Variants in FLRT1 observed in about 807,000 individuals in gnomAD.
The protein encoded by FLRT1 is fibronectin leucine rich transmembrane protein 1.
In FLRT1, 14 loss-of-function variants were observed where a neutral mutation model predicts 30.9. That is an observed-to-expected ratio of 0.45 (90% CI 0.30 to 0.71). The LOEUF is 0.71. Among genes scored for constraint, FLRT1 ranks in the 30% least tolerant of loss-of-function variants. The pLI, the probability that FLRT1 is intolerant of heterozygous loss-of-function variation, is 0.08. For missense variants in FLRT1, 737 were observed against 949.2 expected (o/e 0.78, Z 2.94); for synonymous variants, 368 against 430.4 (o/e 0.85, Z 1.80).
intron 2 of FLRT1, among the ~76,000 whole-genome samples, chr11:64,108,585 A>G (rs1944804688): frequency 6.6e-6 from 1 of 152,238 alleles, no homozygotes; most frequent in Admixed American, 6.5e-5. Flanking sequence ...CTGAAGCCCC[A>G]TCACAGAGCT....
At chr11:64,073,704 G>A (rs189097782) in intron 1 of FLRT1, among the ~76,000 whole-genome samples, 138 of 152,342 alleles carry the variant, frequency 9.1e-4, no homozygotes, top group Non-Finnish European at 1.3e-3. Flanking sequence ...GTGCGTGCGC[G>A]TGGGTTCTCG....
intron 1 of FLRT1, among the ~76,000 whole-genome samples, chr11:64,079,048 G>A (rs960250023): frequency 7.2e-5 from 11 of 151,992 alleles, no homozygotes; most frequent in African/African-American, 1.2e-4. Flanking sequence ...TTGCTGAGCC[G>A]CTGTGCGGAC....
intron 1 of FLRT1, among the ~76,000 whole-genome samples, chr11:64,068,566 G>T (rs931503059): frequency 6.6e-6 from 1 of 152,214 alleles, no homozygotes; most frequent in Non-Finnish European, 1.5e-5. Context: ...ACAGAGCCCC[G>T]CATTCCCATT....
At chr11:64,038,736 A>G (rs1215027594) in intron 1 of FLRT1, among the ~76,000 whole-genome samples, 2 of 152,072 alleles carry the variant, frequency 1.3e-5, no homozygotes, top group Non-Finnish European at 2.9e-5. Context: ...CTTCTGCTCT[A>G]GAGTCTGGAA....
intron 1 of FLRT1, among the ~76,000 whole-genome samples, chr11:64,093,800 G>A (rs1355824024): frequency 8.5e-5 from 13 of 152,230 alleles, no homozygotes; most frequent in African/African-American, 2.7e-4. Flanking sequence ...CCTGGCCAGG[G>A]TGGAAGGAGG....
chr11:64,094,143 A>G (rs1205656059), intron 1 of FLRT1, among the ~76,000 whole-genome samples: 1 of 152,202 alleles, frequency 6.6e-6, no homozygotes, highest in East Asian at 1.9e-4. Flanking sequence ...TTAAAAATAC[A>G]AAGCTTAGGC....
At chr11:64,039,661 A>G (rs1943448621) in intron 1 of FLRT1, among the ~76,000 whole-genome samples, 1 of 152,218 alleles carries the variant, frequency 6.6e-6, no homozygotes, top group Admixed American at 6.5e-5. Flanking sequence ...GGAGACACCA[A>G]GAGGGTTCCA....
chr11:64,042,641 G>A (rs554503410), intron 1 of FLRT1, among the ~76,000 whole-genome samples: 22 of 152,244 alleles, frequency 1.4e-4, no homozygotes, highest in Non-Finnish European at 2.9e-4. Context: ...CACTGGGGCT[G>A]CATGCCTCCT....
chr11:64,067,433 G>A lies in FLRT1; in HGVS notation c.-1038+31274G>A, dbSNP rs558598133. ...CTTTCAGCTCACAAATCATGCCCCC[G>A]GCCCAGGTGACAGCCAGCACAGACG... is the stretch of plus-strand genomic sequence containing the variant. On this transcript the variant is annotated intron_variant, in intron 1 of 2. Coordinates refer to ENST00000682287, the MANE Select transcript of FLRT1 (RefSeq NM_013280.5). The surrounding 1 kb of genome is among the most constrained non-coding windows in gnomAD (Gnocchi z 4.6). Among the ~76,000 whole-genome samples the A allele has an allele frequency of 1.4e-4, 21 of 152,036 alleles. 1 individual carries two copies. The highest frequency in any genetic ancestry group is 3.4e-4 in the African/African-American group (14 of 41,406).
At chr11:64,087,901 C>A (rs954901292) in intron 1 of FLRT1, among the ~76,000 whole-genome samples, 1 of 152,182 alleles carries the variant, frequency 6.6e-6, no homozygotes, top group African/African-American at 2.4e-5. Context: ...CTTCTTTCTG[C>A]GACAGGGGAG....
intron 1 of FLRT1, among the ~76,000 whole-genome samples, chr11:64,052,337 AAG>A (rs1943710520): frequency 6.6e-6 from 1 of 152,150 alleles, no homozygotes. Context: ...TGACCCTGGA[AAG>A]AGTTTTTAAA....
intron 1 of FLRT1, among the ~76,000 whole-genome samples, chr11:64,053,974 C>T (rs987683358): frequency 6.6e-6 from 1 of 152,118 alleles, no homozygotes; most frequent in Non-Finnish European, 1.5e-5. Context: ...GTTCCAGCAC[C>T]GTGCTGGGCG....
chr11:64,116,139 G>A, intron 2 of FLRT1, 80 bp from the exon 3 acceptor site: 1 of 1,388,742 alleles, frequency 7.2e-7, no homozygotes, highest in Admixed American at 2.5e-5. Context: ...AGGCTGGCAG[G>A]TGGGAGGGAA....
intron 1 of FLRT1, among the ~76,000 whole-genome samples, chr11:64,080,980 T>C (rs1482320184): frequency 2.0e-5 from 3 of 152,204 alleles, no homozygotes; most frequent in African/African-American, 7.2e-5. Flanking sequence ...TGAAGTCTGT[T>C]TAATGAGGGG....
At chr11:64,086,674 C>G (rs1387571984) in intron 1 of FLRT1, among the ~76,000 whole-genome samples, 1 of 152,186 alleles carries the variant, frequency 6.6e-6, no homozygotes, top group Non-Finnish European at 1.5e-5. Context: ...GGACTCACAT[C>G]ATGTGTTCAG....
intron 1 of FLRT1, chr11:64,081,675 C>G (rs1320622950): frequency 6.6e-6 from 1 of 152,220 alleles, no homozygotes; most frequent in African/African-American, 2.4e-5. Context: ...ACATGCTTTT[C>G]TGCTTGAACC....
intron 1 of FLRT1, among the ~76,000 whole-genome samples, chr11:64,094,254 C>A (rs1012912157): frequency 1.3e-5 from 2 of 152,108 alleles, no homozygotes; most frequent in Non-Finnish European, 2.9e-5. Context: ...GACGGTAAAA[C>A]CACGTCTCTA....
At chr11:64,048,618 C>A (rs989135453) in intron 1 of FLRT1, among the ~76,000 whole-genome samples, 22 of 152,330 alleles carry the variant, frequency 1.4e-4, no homozygotes, top group Middle Eastern at 3.4e-3. Flanking sequence ...GGAATTCTTA[C>A]TGTTCCTGCC....
chr11:64,039,006 C>T (rs1943434597), intron 1 of FLRT1, among the ~76,000 whole-genome samples: 1 of 152,190 alleles, frequency 6.6e-6, no homozygotes, highest in South Asian at 2.1e-4. Flanking sequence ...GCCTAGTCTA[C>T]ACCCCTCGTT....
Sources: gnomAD v4.1 joint callset for allele counts (sites outside exome capture counted in the v4.1 genomes callset) on GRCh38, gnomAD v4.1.1 for gene constraint, Gnocchi (gnomAD v3.1) non-coding constraint, MANE v1.5 for transcripts, NCBI Gene and HGNC (gene_info 2026-07-23, HGNC 2026-07-21) for gene names.